The following ATP10B variants were observed in gnomAD, a reference collection of about 807,000 sequenced individuals.
ATP10B encodes the protein ATPase phospholipid transporting 10B (putative).
Under a neutral mutation model 141.2 loss-of-function variants are expected in ATP10B, and 122 were observed. The ratio of observed to expected loss-of-function variants is 0.86; its 90% CI spans 0.75 to 1.00. The LOEUF (loss-of-function observed/expected upper bound fraction) is 1.00. Among genes scored for constraint, ATP10B ranks in the 50% least tolerant of loss-of-function variants. The probability of loss-of-function intolerance (pLI) is 0.00; values close to 1 mark genes in which losing one functional copy is unlikely to be tolerated. For missense variants in ATP10B, 1,876 were observed against 1,825.3 expected (o/e 1.03, Z -0.51); for synonymous variants, 685 against 692.0 (o/e 0.99, Z 0.16).
intron 6 of ATP10B, among the ~76,000 whole-genome samples, chr5:160,675,213 G>T (rs1561738672): frequency 6.6e-6 from 1 of 152,180 alleles, no homozygotes; most frequent in Non-Finnish European, 1.5e-5. Flanking sequence ...ACACACCCTG[G>T]ACTGTCCCCC....
Position 160,733,214 on chromosome 5 carries a change from A to G in ATP10B, c.-330-16180T>C, listed in dbSNP as rs912246778. Among the ~76,000 whole-genome samples the G allele has an allele frequency of 3.3e-5, 5 of 152,210 alleles. No homozygotes were observed. In the East Asian group the frequency reaches 9.6e-4, roughly 29 times the overall value. ...TCTATGTCTTTTTTATTGTGTAGTT[A>G]TTGCAAATGAGATTGCTTTCTTGAT... On this transcript the variant is annotated intron_variant, in intron 2 of 25. Transcript: ENST00000327245.
At chr5:160,724,123 G>A (rs947597531) in intron 2 of ATP10B, among the ~76,000 whole-genome samples, 8 of 152,068 alleles carry the variant, frequency 5.3e-5, no homozygotes, top group East Asian at 1.9e-4. Context: ...GGGGCCTATC[G>A]GAGGGTGGAG....
intron 2 of ATP10B, among the ~76,000 whole-genome samples, chr5:160,775,814 G>A (rs1325310300): frequency 6.6e-6 from 1 of 151,496 alleles, no homozygotes; most frequent in East Asian, 1.9e-4. Flanking sequence ...CCAAGTAGCT[G>A]GGACTACAGG....
chr5:160,755,890 G>T (rs1768565960), intron 2 of ATP10B, among the ~76,000 whole-genome samples: 1 of 122,134 alleles, frequency 8.2e-6, no homozygotes. Flanking sequence ...ATAATTTTAT[G>T]GAACCACTGT....
chr5:160,629,278 G>C (rs1294505282), intron 13 of ATP10B, among the ~76,000 whole-genome samples: 1 of 152,098 alleles, frequency 6.6e-6, no homozygotes, highest in Non-Finnish European at 1.5e-5. Flanking sequence ...TCTAGGGACG[G>C]CTTCAAGGAT....
At chr5:160,841,563 G>A (rs1204714929) in intron 1 of ATP10B, among the ~76,000 whole-genome samples, 1 of 151,834 alleles carries the variant, frequency 6.6e-6, no homozygotes, top group African/African-American at 2.4e-5. Context: ...AAATTAAATT[G>A]ACAAAGATGG....
At chr5:160,651,242 A>G (rs1452791621) in intron 7 of ATP10B, among the ~76,000 whole-genome samples, 1 of 152,124 alleles carries the variant, frequency 6.6e-6, no homozygotes, top group African/African-American at 2.4e-5. Context: ...ATTCAAGTTC[A>G]CCTGCAGACC....
the ATP10B span, among the ~76,000 whole-genome samples, chr5:160,871,907 A>G: frequency 4.6e-5 from 7 of 152,098 alleles, no homozygotes; most frequent in African/African-American, 1.7e-4. Flanking sequence ...CTGTGTAGAC[A>G]TCCAGCAGTG....
intron 1 of ATP10B, among the ~76,000 whole-genome samples, chr5:160,821,505 A>G (rs1011930579): frequency 1.3e-5 from 2 of 152,086 alleles, no homozygotes; most frequent in South Asian, 4.1e-4. Context: ...ACAGAAATAT[A>G]AAAAAATCTT....
the ATP10B span, among the ~76,000 whole-genome samples, chr5:160,904,068 C>T: frequency 6.6e-6 from 1 of 152,048 alleles, no homozygotes; most frequent in Non-Finnish European, 1.5e-5. Context: ...ATGAGGTTAC[C>T]ACCTGTACTA....
chr5:160,777,164 G>A (rs1770393746), intron 2 of ATP10B, among the ~76,000 whole-genome samples: 2 of 152,226 alleles, frequency 1.3e-5, no homozygotes, highest in Admixed American at 1.3e-4. Flanking sequence ...TGGAAGGGAT[G>A]GCAATGAAGG....
At chr5:160,747,128 G>A (rs997063015) in intron 2 of ATP10B, among the ~76,000 whole-genome samples, 12 of 152,192 alleles carry the variant, frequency 7.9e-5, no homozygotes, top group African/African-American at 2.4e-4. Flanking sequence ...CTGGGGCTGA[G>A]TATTTTTTGC....
chr5:160,800,955 T>C (rs965329861), intron 1 of ATP10B, among the ~76,000 whole-genome samples: 1 of 152,184 alleles, frequency 6.6e-6, no homozygotes. Context: ...TTAAATAGGT[T>C]TGTAATGTAC....
the ATP10B span, among the ~76,000 whole-genome samples, chr5:160,905,663 C>G: frequency 1.3e-5 from 2 of 151,956 alleles, no homozygotes; most frequent in Non-Finnish European, 2.9e-5. Flanking sequence ...ATAAAGCACT[C>G]AACAAAGGAC....
In ATP10B at chr5:160,578,236, G is replaced by A. The variant is rs113528365; in HGVS notation, c.3751-8553C>T. On this transcript the variant is annotated intron_variant, in intron 24 of 25. Coordinates refer to ENST00000327245, the MANE Select transcript of ATP10B (RefSeq NM_025153.3). ...TTATACTTTAAGTTCTGGGCTACAT[G>A]TGCAGAATGTGCAGGTTTGTTACGT... Among the ~76,000 whole-genome samples, 1,412 of 152,102 alleles carry A rather than the reference G, an allele frequency of 9.3e-3. 29 individuals carry two copies. The highest frequency in any genetic ancestry group is 0.032 in the African/African-American group (1,346 of 41,486).
At chr5:160,651,551 C>G (rs186482053) in intron 7 of ATP10B, among the ~76,000 whole-genome samples, 1 of 152,074 alleles carries the variant, frequency 6.6e-6, no homozygotes, top group East Asian at 1.9e-4. Flanking sequence ...TAACATTCCA[C>G]CCAAACAGAA....
chr5:160,676,725 G>C (rs1161322774), intron 6 of ATP10B, among the ~76,000 whole-genome samples: 4 of 152,154 alleles, frequency 2.6e-5, no homozygotes, highest in African/African-American at 9.7e-5. Flanking sequence ...CCCTAGTGGA[G>C]ACTTCTAACA....
At chr5:160,577,453 G>T (rs1755263085) in intron 24 of ATP10B, among the ~76,000 whole-genome samples, 2 of 152,118 alleles carry the variant, frequency 1.3e-5, no homozygotes, top group African/African-American at 4.8e-5. Context: ...CTAAGAGCTG[G>T]ATCATGTGCC....
intron 1 of ATP10B, among the ~76,000 whole-genome samples, chr5:160,797,735 G>C (rs539693113): frequency 7.6e-6 from 1 of 131,446 alleles, no homozygotes; most frequent in African/African-American, 2.9e-5. Context: ...CTAAGAAAAT[G>C]CACAAACACA....
Sources: gnomAD v4.1 joint callset for allele counts (sites outside exome capture counted in the v4.1 genomes callset) on GRCh38, gnomAD v4.1.1 for gene constraint, MANE v1.5 for transcripts, NCBI Gene and HGNC (gene_info 2026-07-23, HGNC 2026-07-21) for gene names.